Variants in WWOX observed in about 807,000 individuals in gnomAD.
WWOX encodes WW domain-containing oxidoreductase.
In WWOX, 69 loss-of-function variants were observed where a neutral mutation model predicts 46.2. That is an observed-to-expected ratio of 1.49 (90% confidence interval 1.23 to 1.82). The LOEUF (loss-of-function observed/expected upper bound fraction) is 1.82. WWOX is among the 40% of genes most tolerant of loss of function. WWOX has a pLI of 0.00. For missense variants in WWOX, 919 were observed against 542.6 expected (o/e 1.69, Z -6.89); for synonymous variants, 359 against 202.6 (o/e 1.77, Z -6.56).
chr16:78,618,358 A>G (rs142658875), intron 8 of WWOX, among the ~76,000 whole-genome samples: 35 of 152,272 alleles, frequency 2.3e-4, no homozygotes, highest in African/African-American at 8.2e-4. Context: ...GGAGGTTGGG[A>G]GTCCTAGATC....
At chr16:78,755,317 C>G (rs2049615403) in intron 8 of WWOX, among the ~76,000 whole-genome samples, 1 of 151,766 alleles carries the variant, frequency 6.6e-6, no homozygotes, top group Admixed American at 6.6e-5. Context: ...TGGAGAATGT[C>G]TTGTACATTT....
In WWOX at chr16:78,692,017, C is replaced by T. The variant is rs187216559; in HGVS notation, c.1056+259265C>T. Among the ~76,000 whole-genome samples, 40 of 152,304 alleles carry T rather than the reference C, an allele frequency of 2.6e-4. No homozygotes were observed. The East Asian group carries it at 2.7e-3, about 10-fold the overall frequency. The stretch of plus-strand genomic sequence containing the variant: ...CTTCCTCATTTTCTCTTGCCACTGC[C>T]ATGTAAGAAGTGCCTTTTGCCTACC... On this transcript the variant is annotated intron_variant, in intron 8 of 8. Transcript: ENST00000566780.
intron 5 of WWOX, among the ~76,000 whole-genome samples, chr16:78,308,815 G>A (rs1349400487): frequency 6.6e-6 from 1 of 152,140 alleles, no homozygotes; most frequent in Non-Finnish European, 1.5e-5. Context: ...CCTTTCTACT[G>A]ATGCCAGGTG....
chr16:78,432,665 T>C lies in WWOX; in HGVS notation c.969T>C (p.Pro323=), dbSNP rs756499870. The C allele has an allele frequency of 1.2e-6, 2 of 1,614,186 alleles. No individual in the cohort carries two copies. The highest frequency in any genetic ancestry group is 1.7e-6 in the Non-Finnish European group (2 of 1,180,036). ...GGGTCACGTCGAACGCAGTGCATCC[T>C]GGAAATATGATGTACTCCAACATTC... The part of the protein sequence containing the change: ...PRGVTSNAVH[P]GNMMYSNIHR... Residue 323 remains proline, a synonymous_variant, in exon 8 of 9, where the codon CCT becomes CCC. Coordinates refer to ENST00000566780, the MANE Select transcript of WWOX (RefSeq NM_016373.4).
At chr16:78,760,911 G>C (rs921816232) in intron 8 of WWOX, among the ~76,000 whole-genome samples, 2 of 152,164 alleles carry the variant, frequency 1.3e-5, no homozygotes, top group Non-Finnish European at 2.9e-5. Context: ...CATCTCACGT[G>C]GTGGCAGAGA....
chr16:79,057,163 G>C (rs944739500), intron 8 of WWOX, among the ~76,000 whole-genome samples: 1 of 152,168 alleles, frequency 6.6e-6, no homozygotes, highest in Non-Finnish European at 1.5e-5. Context: ...TCGTTTGGAG[G>C]GTAGTGTGAA....
At chr16:78,818,632 G>T (rs1018565940) in intron 8 of WWOX, among the ~76,000 whole-genome samples, 22 of 152,222 alleles carry the variant, frequency 1.4e-4, no homozygotes, top group Non-Finnish European at 1.0e-4. Flanking sequence ...TCAGGAGACT[G>T]AGGCAGGAGG....
intron 8 of WWOX, among the ~76,000 whole-genome samples, chr16:78,884,856 T>C (rs1188177922): frequency 6.6e-6 from 1 of 152,220 alleles, no homozygotes; most frequent in South Asian, 2.1e-4. Context: ...TATCTGACAG[T>C]TGTTGAGAGA....
At chr16:78,927,341 A>T (rs2045522137) in intron 8 of WWOX, among the ~76,000 whole-genome samples, 1 of 152,192 alleles carries the variant, frequency 6.6e-6, no homozygotes, top group Non-Finnish European at 1.5e-5. Context: ...TAGGCAAGTC[A>T]TTTAATTTCC....
At chr16:78,505,551 GAGAA>G (rs2085176004) in intron 8 of WWOX, among the ~76,000 whole-genome samples, 1 of 152,170 alleles carries the variant, frequency 6.6e-6, no homozygotes, top group Non-Finnish European at 1.5e-5. Flanking sequence ...CTGGGCTCTA[GAGAA>G]GTGCTGGGCT....
At chr16:78,781,388 G>C (rs148581849) in intron 8 of WWOX, among the ~76,000 whole-genome samples, 1 of 152,076 alleles carries the variant, frequency 6.6e-6, no homozygotes, top group Non-Finnish European at 1.5e-5. Context: ...CTGGTATTCC[G>C]TCAGTCTTAC....
intron 4 of WWOX, among the ~76,000 whole-genome samples, chr16:78,127,833 T>C (rs1286602990): frequency 6.6e-6 from 1 of 152,204 alleles, no homozygotes. Context: ...AGGACAGTTT[T>C]ATTGGCGTCT....
intron 8 of WWOX, among the ~76,000 whole-genome samples, chr16:78,900,798 A>G (rs538988463): frequency 2.4e-4 from 36 of 151,364 alleles, no homozygotes; most frequent in African/African-American, 7.5e-4. Flanking sequence ...TCTCTTTTTT[A>G]TTTGAAGGAT....
At position 78,202,578 on chromosome 16, in the gene WWOX, G is replaced by A. The variant is rs149149564; in HGVS notation, c.516+38289G>A. 2.2e-3 allele frequency among the ~76,000 whole-genome samples: 336 copies of A among 152,246 alleles called. 1 individual carries two copies. Among genetic ancestry groups the A allele is most frequent in the African/African-American group, 7.4e-3 (308 of 41,536 alleles). ...AGTTTTCTGTTTGGGGAACATTTTT[G>A]TAAGTGCATGTATTTCAGCTTTTAA... is the stretch of plus-strand genomic sequence containing the variant. On this transcript the variant is annotated intron_variant, in intron 5 of 8. Transcript: ENST00000566780.
At chr16:78,815,966 G>A (rs1459517895) in intron 8 of WWOX, among the ~76,000 whole-genome samples, 1 of 152,168 alleles carries the variant, frequency 6.6e-6, no homozygotes, top group East Asian at 1.9e-4. Context: ...AGTCTCCTGG[G>A]TGACCTTGTG....
At chr16:79,116,146 T>A (rs1325543573) in intron 8 of WWOX, among the ~76,000 whole-genome samples, 1 of 152,228 alleles carries the variant, frequency 6.6e-6, no homozygotes, top group African/African-American at 2.4e-5. Context: ...CAAGTTGTCA[T>A]CTTTTTGCTG....
intron 8 of WWOX, among the ~76,000 whole-genome samples, chr16:78,541,352 TAGTCCC>T (rs985889887): frequency 4.7e-5 from 7 of 150,002 alleles, no homozygotes; most frequent in Non-Finnish European, 7.4e-5. Context: ...CGGGCACCTG[TAGTCCC>T]AGCTACTTGG....
chr16:78,762,997 A>G (rs992907254), intron 8 of WWOX, among the ~76,000 whole-genome samples: 30 of 152,200 alleles, frequency 2.0e-4, no homozygotes, highest in African/African-American at 5.5e-4. Context: ...CAGATGAGCA[A>G]TAGATCTCCA....
Position 78,632,403 on chromosome 16 carries a change from T to A in WWOX, c.1056+199651T>A, listed in dbSNP as rs575067562. 3.2e-4 allele frequency among the ~76,000 whole-genome samples: 49 copies of A among 152,110 alleles called. No homozygotes were observed. The South Asian group carries it at 9.8e-3, about 30-fold the overall frequency. On this transcript the variant is annotated intron_variant, in intron 8 of 8. Transcript: ENST00000566780. ...TCCGCTACCTCCGTATTTGAGTCCT[T>A]TCTTTTGGGCTTTCCTACTTAACGT...
Sources: allele counts gnomAD v4.1 joint callset (sites outside exome capture counted in the v4.1 genomes callset), GRCh38; gene constraint gnomAD v4.1.1; transcripts MANE v1.5; gene names NCBI Gene and HGNC (gene_info 2026-07-23, HGNC 2026-07-21).